SLC9A9: variants seen among roughly 807,000 people sequenced by gnomAD.
The protein encoded by SLC9A9 is solute carrier family 9 member A9.
In SLC9A9, 62 loss-of-function variants were observed where a neutral mutation model predicts 77.8. That is an observed-to-expected ratio of 0.80 (90% confidence interval 0.65 to 0.98). The LOEUF (loss-of-function observed/expected upper bound fraction) is 0.98, where lower values mean the gene tolerates loss of function less well. Ranked by LOEUF, SLC9A9 falls within the 50% of genes least tolerant of loss-of-function variation. SLC9A9 has a pLI of 0.00. For missense variants in SLC9A9, 775 were observed against 774.9 expected, an observed-to-expected ratio of 1.00 and a Z score of 0.00; for synonymous variants, 320 against 283.5, an observed-to-expected ratio of 1.13 and a Z score of -1.29.
intron 9 of SLC9A9, among the ~76,000 whole-genome samples, chr3:143,545,589 G>T (rs553271504): frequency 1.7e-4 from 26 of 152,212 alleles, no homozygotes; most frequent in Non-Finnish European, 3.4e-4. Flanking sequence ...CATATCCTGA[G>T]ATGCTGAGTT....
At chr3:143,340,480 G>C (rs1160960968) in intron 14 of SLC9A9, among the ~76,000 whole-genome samples, 5 of 152,132 alleles carry the variant, frequency 3.3e-5, no homozygotes, top group Admixed American at 2.6e-4. Context: ...AAATAAAACA[G>C]GTACTAATGA....
intron 12 of SLC9A9, among the ~76,000 whole-genome samples, chr3:143,437,170 G>A (rs1176856140): frequency 6.6e-6 from 1 of 152,184 alleles, no homozygotes; most frequent in Non-Finnish European, 1.5e-5. Context: ...CCATAGCAGG[G>A]GCTCCATACA....
intron 12 of SLC9A9, among the ~76,000 whole-genome samples, chr3:143,448,877 G>T (rs549213396): frequency 3.6e-4 from 15 of 41,242 alleles, no homozygotes; most frequent in South Asian, 7.3e-4. Flanking sequence ...TATATAATAT[G>T]ATATATATTA....
intron 12 of SLC9A9, among the ~76,000 whole-genome samples, chr3:143,463,742 T>G (rs2035236359): frequency 6.6e-6 from 1 of 152,180 alleles, no homozygotes. Context: ...ATTACAAACA[T>G]TTTATGATTA....
intron 12 of SLC9A9, among the ~76,000 whole-genome samples, chr3:143,440,227 C>G (rs796915205): frequency 6.6e-6 from 1 of 152,162 alleles, no homozygotes; most frequent in South Asian, 2.1e-4. Context: ...GTGCTGAAAA[C>G]ACAGCAATTT....
At chr3:143,563,619 A>C (rs2037122243) in intron 8 of SLC9A9, among the ~76,000 whole-genome samples, 1 of 152,188 alleles carries the variant, frequency 6.6e-6, no homozygotes, top group Non-Finnish European at 1.5e-5. Context: ...GGAAGGGGGA[A>C]GAAAACGTAA....
intron 5 of SLC9A9, among the ~76,000 whole-genome samples, chr3:143,683,677 T>C (rs1246184015): frequency 1.3e-5 from 2 of 152,124 alleles, no homozygotes; most frequent in Admixed American, 6.6e-5. Flanking sequence ...CCAAAGTACA[T>C]AGGGGTAAAA....
intron 12 of SLC9A9, among the ~76,000 whole-genome samples, chr3:143,388,038 C>T (rs545165171): frequency 7.2e-5 from 11 of 152,284 alleles, no homozygotes; most frequent in African/African-American, 2.6e-4. Context: ...ATTATTTCCT[C>T]TAAGACCTGC....
intron 8 of SLC9A9, among the ~76,000 whole-genome samples, chr3:143,558,057 C>T (rs1446374108): frequency 6.6e-6 from 1 of 152,228 alleles, no homozygotes; most frequent in Non-Finnish European, 1.5e-5. Context: ...CCCAGGGCCC[C>T]CCTGCTCTGT....
chr3:143,680,520 T>G (rs1933052784), intron 5 of SLC9A9, among the ~76,000 whole-genome samples: 1 of 152,176 alleles, frequency 6.6e-6, no homozygotes, highest in Non-Finnish European at 1.5e-5. Context: ...CCTTAAAATA[T>G]TATACCTTTA....
At chr3:143,653,104 A>G (rs1297999036) in intron 5 of SLC9A9, among the ~76,000 whole-genome samples, 4 of 152,238 alleles carry the variant, frequency 2.6e-5, no homozygotes, top group Non-Finnish European at 4.4e-5. Flanking sequence ...ACTCCTGTGA[A>G]GGGAGACACG....
At chr3:143,296,827 C>T (rs190315538) in intron 14 of SLC9A9, among the ~76,000 whole-genome samples, 29 of 152,178 alleles carry the variant, frequency 1.9e-4, no homozygotes, top group Admixed American at 1.2e-3. Flanking sequence ...GTCATCTGTA[C>T]GTCTTCTTCA....
chr3:143,708,198 G>T (rs12233450), intron 4 of SLC9A9, among the ~76,000 whole-genome samples: 17,908 of 152,132 alleles, frequency 0.12, 1,896 homozygotes, highest in East Asian at 0.54. Context: ...CATCCTGATT[G>T]TGTGTCTATC....
At chr3:143,520,379 G>A (rs1044892122) in intron 9 of SLC9A9, among the ~76,000 whole-genome samples, 3 of 152,184 alleles carry the variant, frequency 2.0e-5, no homozygotes, top group Admixed American at 6.5e-5. Flanking sequence ...CAGCAACAAG[G>A]TAGCCACCTG....
chr3:143,805,742 C>G (rs1312884763), intron 2 of SLC9A9, among the ~76,000 whole-genome samples: 1 of 152,090 alleles, frequency 6.6e-6, no homozygotes, highest in Non-Finnish European at 1.5e-5. Context: ...CTCCTGCCTG[C>G]CAGAGAACAA....
intron 12 of SLC9A9, among the ~76,000 whole-genome samples, chr3:143,408,603 A>T (rs1425019242): frequency 6.6e-6 from 1 of 152,220 alleles, no homozygotes; most frequent in Non-Finnish European, 1.5e-5. Context: ...AACCTTTTCT[A>T]AGCTATGCGA....
chr3:143,462,020 T>G (rs2035202943), intron 12 of SLC9A9, among the ~76,000 whole-genome samples: 1 of 152,152 alleles, frequency 6.6e-6, no homozygotes, highest in Non-Finnish European at 1.5e-5. Flanking sequence ...AATAAATCAT[T>G]TGAGGATGGC....
intron 4 of SLC9A9, among the ~76,000 whole-genome samples, chr3:143,784,327 TCTAA>T (rs1432480146): frequency 3.3e-5 from 5 of 152,120 alleles, no homozygotes; most frequent in Non-Finnish European, 7.4e-5. Context: ...ATAAAATAGT[TCTAA>T]ATATACCACT....
chr3:143,422,954 T>A (rs1011746344), intron 12 of SLC9A9, among the ~76,000 whole-genome samples: 2 of 152,160 alleles, frequency 1.3e-5, no homozygotes, highest in African/African-American at 4.8e-5. Flanking sequence ...ATAGACATAT[T>A]GGAGAGGAGA....
Sources: allele counts gnomAD v4.1 joint callset (sites outside exome capture counted in the v4.1 genomes callset), GRCh38; gene constraint gnomAD v4.1.1; transcripts MANE v1.5; gene names NCBI Gene and HGNC (gene_info 2026-07-23, HGNC 2026-07-21).